Variants in PTPRG observed in about 807,000 individuals in gnomAD.
PTPRG encodes receptor-type tyrosine-protein phosphatase gamma.
In PTPRG, 102 loss-of-function variants were observed where a neutral mutation model predicts 165.3. That is an observed-to-expected ratio of 0.62 (90% CI 0.53 to 0.73). The LOEUF (loss-of-function observed/expected upper bound fraction) is 0.73. PTPRG is among the 30% of genes least tolerant of loss of function. The probability of loss-of-function intolerance (pLI) is 0.00; values close to 1 mark genes in which losing one functional copy is unlikely to be tolerated. For missense variants in PTPRG, 1,866 were observed against 1,861.4 expected (o/e 1.00, Z -0.05); for synonymous variants, 675 against 669.5 (o/e 1.01, Z -0.13).
At chr3:61,831,106 C>T (rs1227402368) in intron 2 of PTPRG, among the ~76,000 whole-genome samples, 1 of 152,152 alleles carries the variant, frequency 6.6e-6, no homozygotes, top group African/African-American at 2.4e-5. Flanking sequence ...AAAATATATT[C>T]CTTTAGTGAT....
At chr3:61,941,687 A>T (rs1230901704) in intron 2 of PTPRG, among the ~76,000 whole-genome samples, 5 of 152,174 alleles carry the variant, frequency 3.3e-5, no homozygotes, top group Admixed American at 1.3e-4. Flanking sequence ...TTGCTGAACT[A>T]ACCATTGAAA....
At chr3:61,960,612 T>C (rs927660209) in intron 2 of PTPRG, among the ~76,000 whole-genome samples, 14 of 152,100 alleles carry the variant, frequency 9.2e-5, no homozygotes, top group African/African-American at 2.9e-4. Flanking sequence ...GAGTCATTGT[T>C]TTTCCTTCCT....
chr3:61,595,550 G>A (rs567193892), intron 1 of PTPRG, among the ~76,000 whole-genome samples: 2 of 152,290 alleles, frequency 1.3e-5, no homozygotes, highest in South Asian at 4.1e-4. Context: ...ATTTCATTTT[G>A]GTAACTTTAG....
At chr3:62,011,476 G>C (rs1035505951) in intron 4 of PTPRG, among the ~76,000 whole-genome samples, 3 of 152,190 alleles carry the variant, frequency 2.0e-5, no homozygotes, top group African/African-American at 7.2e-5. Context: ...GTGTTAGAGA[G>C]ATCATCCCAT....
At chr3:61,877,114 C>T (rs1052388677) in intron 2 of PTPRG, among the ~76,000 whole-genome samples, 1 of 152,090 alleles carries the variant, frequency 6.6e-6, no homozygotes, top group African/African-American at 2.4e-5. Flanking sequence ...TAAAGTGTAG[C>T]ACTCCAGACA....
intron 2 of PTPRG, among the ~76,000 whole-genome samples, chr3:61,810,793 A>G (rs553329661): frequency 6.6e-6 from 1 of 152,358 alleles, no homozygotes; most frequent in Admixed American, 6.5e-5. Context: ...TTCGGGACAA[A>G]TGGAGAATCC....
intron 2 of PTPRG, among the ~76,000 whole-genome samples, chr3:61,879,352 G>A (rs949319572): frequency 2.6e-5 from 4 of 152,160 alleles, no homozygotes; most frequent in Non-Finnish European, 4.4e-5. Flanking sequence ...AGGAACATGG[G>A]AGTCTTTTCC....
chr3:62,104,863 G>A (rs572484968), intron 5 of PTPRG, among the ~76,000 whole-genome samples: 1 of 152,090 alleles, frequency 6.6e-6, no homozygotes, highest in East Asian at 1.9e-4. Context: ...ATTATGCTGG[G>A]ATTATTGCAT....
intron 4 of PTPRG, among the ~76,000 whole-genome samples, chr3:62,059,040 G>A (rs963841153): frequency 4.6e-5 from 7 of 152,124 alleles, no homozygotes; most frequent in Admixed American, 1.3e-4. Flanking sequence ...CCAGGTATCC[G>A]GTCTGCTCTG....
At chr3:61,970,396 C>G (rs1257065270) in intron 2 of PTPRG, among the ~76,000 whole-genome samples, 1 of 152,122 alleles carries the variant, frequency 6.6e-6, no homozygotes, top group African/African-American at 2.4e-5. Flanking sequence ...CTAAGGAGGG[C>G]TGAAGAAAAC....
chr3:62,194,747 G>T (rs185156898), intron 9 of PTPRG, among the ~76,000 whole-genome samples: 1 of 152,062 alleles, frequency 6.6e-6, no homozygotes, highest in South Asian at 2.1e-4. Context: ...AAGTTGCAGC[G>T]AGCTGAGATT....
At chr3:62,076,509 T>G (rs1420278540) in intron 4 of PTPRG, among the ~76,000 whole-genome samples, 1 of 151,988 alleles carries the variant, frequency 6.6e-6, no homozygotes, top group East Asian at 1.9e-4. Context: ...TTTGTTTGTT[T>G]GTTTGTTTGT....
chr3:61,842,112 A>C (rs1363839760), intron 2 of PTPRG, among the ~76,000 whole-genome samples: 3 of 152,220 alleles, frequency 2.0e-5, no homozygotes, highest in Admixed American at 1.3e-4. Context: ...CCAATGCAGC[A>C]CTGAACAGGA....
chr3:61,857,428 A>G (rs143708296), intron 2 of PTPRG, among the ~76,000 whole-genome samples: 9 of 152,296 alleles, frequency 5.9e-5, no homozygotes, highest in African/African-American at 2.2e-4. Context: ...TGATTGATTA[A>G]TGATGTCTGC....
At chr3:61,994,912 C>G (rs929834402) in intron 3 of PTPRG, among the ~76,000 whole-genome samples, 5 of 152,172 alleles carry the variant, frequency 3.3e-5, no homozygotes, top group Admixed American at 2.6e-4. Flanking sequence ...GAAAGATACT[C>G]TTTGCCCTGT....
At chr3:61,589,021 C>T (rs934901838) in intron 1 of PTPRG, among the ~76,000 whole-genome samples, 1 of 152,124 alleles carries the variant, frequency 6.6e-6, no homozygotes, top group Non-Finnish European at 1.5e-5. Flanking sequence ...CTGGGACCAC[C>T]CAGTCTGGCC....
intron 27 of PTPRG, among the ~76,000 whole-genome samples, chr3:62,282,031 C>T (rs1352884): frequency 2.0e-5 from 3 of 151,952 alleles, no homozygotes; most frequent in Admixed American, 2.0e-4. Context: ...GATGATAATA[C>T]TAAGTTTTTT....
intron 1 of PTPRG, among the ~76,000 whole-genome samples, chr3:61,625,292 AC>A (rs5849437): frequency 0.45 from 67,696 of 151,482 alleles, 15,331 homozygotes; most frequent in African/African-American, 0.53. Flanking sequence ...TTAGTCTCTC[AC>A]CCTTTTTCTG....
intron 9 of PTPRG, among the ~76,000 whole-genome samples, chr3:62,194,358 C>G (rs1479919132): frequency 6.6e-6 from 1 of 152,176 alleles, no homozygotes; most frequent in Non-Finnish European, 1.5e-5. Flanking sequence ...CTCTTCCTCT[C>G]CCCATTTTAC....
Sources: allele counts gnomAD v4.1 joint callset (sites outside exome capture counted in the v4.1 genomes callset), GRCh38; gene constraint gnomAD v4.1.1; transcripts MANE v1.5; gene names NCBI Gene and HGNC (gene_info 2026-07-23, HGNC 2026-07-21).